The following CPA3 variants were observed in gnomAD, a reference collection of about 807,000 sequenced individuals.
CPA3 encodes mast cell carboxypeptidase A.
In CPA3, 52 loss-of-function variants were observed where a neutral mutation model predicts 55.8. The observed-to-expected ratio is 0.93, with a 90% CI of 0.75 to 1.17. The LOEUF is 1.17. CPA3 is among the 50% of genes most tolerant of loss of function. CPA3 has a pLI of 0.00. For synonymous variants in CPA3, 179 were observed against 171.2 expected (o/e 1.05, Z -0.36); for missense variants, 547 against 509.1 (o/e 1.07, Z -0.72).
chr3:148,884,928 GA>G (rs1338578777), intron 9 of CPA3, among the ~76,000 whole-genome samples: 1 of 151,158 alleles, frequency 6.6e-6, no homozygotes, highest in Non-Finnish European at 1.5e-5. Context: ...AATTGATTAA[GA>G]AAAAAATTAT....
chr3:148,895,897 T>C (rs963847129), intron 10 of CPA3, among the ~76,000 whole-genome samples: 4 of 152,222 alleles, frequency 2.6e-5, no homozygotes, highest in African/African-American at 7.2e-5. Context: ...ATATAGCCTC[T>C]AGATGTGAGT....
chr3:148,896,583 T>G lies in CPA3; in HGVS notation c.1130T>G (p.Phe377Cys). 1 of 1,584,894 alleles carries G rather than the reference T, an allele frequency of 6.3e-7. No individual in the cohort carries two copies. The highest frequency in any genetic ancestry group is 8.6e-7 in the Non-Finnish European group (1 of 1,157,764). The change falls in exon 11 of 11, where the codon TTT (phenylalanine) becomes TGT (cysteine). Residue 377 changes from phenylalanine (F) to cysteine (C), a missense_variant. Phe to Cys is a radical substitution (Grantham distance 205). Coordinates refer to ENST00000296046, the MANE Select transcript of CPA3 (RefSeq NM_001870.4). ...YDLGIKHTFAFELRDKGKFGF... is the reference protein window; with the variant it reads ...YDLGIKHTFACELRDKGKFGF... ...CTGGGCATCAAACACACATTTGCCTTTGAGCTCCGAGATAAAGGCAAATTT... is the reference window on the plus strand; with the variant it reads ...CTGGGCATCAAACACACATTTGCCTGTGAGCTCCGAGATAAAGGCAAATTT...
intron 10 of CPA3, among the ~76,000 whole-genome samples, chr3:148,886,631 A>T (rs1576584326): frequency 6.6e-6 from 1 of 152,266 alleles, no homozygotes; most frequent in South Asian, 2.1e-4. Flanking sequence ...GGAGGTCAAG[A>T]CTGCCATGAG....
chr3:148,887,184 A>G (rs1230404615), intron 10 of CPA3, among the ~76,000 whole-genome samples: 1 of 152,166 alleles, frequency 6.6e-6, no homozygotes, highest in East Asian at 1.9e-4. Flanking sequence ...TTTCTGTTGC[A>G]GGTACTCAAC....
At chr3:148,889,929 C>T (rs1290674875) in intron 10 of CPA3, among the ~76,000 whole-genome samples, 2 of 151,266 alleles carry the variant, frequency 1.3e-5, no homozygotes, top group Admixed American at 1.3e-4. Flanking sequence ...TGATTATACC[C>T]CCAGCCCCCA....
chr3:148,896,582 T>A lies in CPA3; in HGVS notation c.1129T>A (p.Phe377Ile). 6.3e-7 allele frequency: 1 copy of A among 1,584,812 alleles called. No homozygotes were observed. Among genetic ancestry groups the A allele is most frequent in the Non-Finnish European group, 8.6e-7 (1 of 1,157,688 alleles). ...YDLGIKHTFA[F>I]ELRDKGKFGF... ...CCTGGGCATCAAACACACATTTGCC[T>A]TTGAGCTCCGAGATAAAGGCAAATT... The change falls in exon 11 of 11, where the codon TTT becomes ATT. Residue 377 changes from phenylalanine to isoleucine, a missense_variant. Physicochemically the swap from Phe to Ile is conservative, Grantham distance 21 (BLOSUM62 0). Coordinates refer to ENST00000296046, the MANE Select transcript of CPA3 (RefSeq NM_001870.4).
intron 5 of CPA3, among the ~76,000 whole-genome samples, 176 bp downstream of exon 5, chr3:148,878,924 A>T (rs1714286304): frequency 6.6e-6 from 1 of 152,248 alleles, no homozygotes; most frequent in South Asian, 2.1e-4. Context: ...GGTGGAACCA[A>T]GAAAGTGTCT....
intron 3 of CPA3, among the ~76,000 whole-genome samples, chr3:148,876,232 A>G (rs1389766241): frequency 1.3e-5 from 2 of 151,558 alleles, no homozygotes; most frequent in South Asian, 2.1e-4. Context: ...AGATGATCAA[A>G]ATACTTAACA....
intron 10 of CPA3, among the ~76,000 whole-genome samples, chr3:148,890,609 T>C: frequency 6.6e-6 from 1 of 152,226 alleles, no homozygotes; most frequent in South Asian, 2.1e-4. Context: ...TGTATGCCCA[T>C]GTATCTCTGG....
intron 10 of CPA3, among the ~76,000 whole-genome samples, chr3:148,894,784 G>T (rs1043563735): frequency 3.3e-5 from 5 of 152,042 alleles, no homozygotes; most frequent in African/African-American, 9.7e-5. Flanking sequence ...GATCCTAAAT[G>T]TGTGCACACC....
At chr3:148,876,318 ATGTC>A (rs1018231593) in intron 3 of CPA3, among the ~76,000 whole-genome samples, 2 of 151,894 alleles carry the variant, frequency 1.3e-5, no homozygotes, top group Non-Finnish European at 2.9e-5. Flanking sequence ...TTATAATTTA[ATGTC>A]TATCAAAAAA....
chr3:148,884,446 G>A (rs1714469426), intron 9 of CPA3, among the ~76,000 whole-genome samples: 1 of 152,028 alleles, frequency 6.6e-6, no homozygotes, highest in South Asian at 2.1e-4. Flanking sequence ...GTGCATAGAG[G>A]GATAAATATT....
Position 148,865,358 on chromosome 3 carries a change from T to A in CPA3, c.51T>A (p.Ala17=). 1 of 1,614,060 alleles carries A rather than the reference T, an allele frequency of 6.2e-7. No homozygotes were observed. Among genetic ancestry groups the A allele is most frequent in the Non-Finnish European group, 8.5e-7 (1 of 1,179,972 alleles). ...TGATTGCTACCACTCTTGCAATTGC[T>A]CCTGTCCGCTTTGACAGGTAAATCT... is the stretch of plus-strand genomic sequence containing the variant. ...VGLIATTLAI[A]PVRFDREKVF... is the part of the protein sequence containing the mutation. Residue 17 remains alanine, a synonymous_variant, in exon 1 of 11, where the codon GCT becomes GCA. Coordinates refer to ENST00000296046, the MANE Select transcript of CPA3 (RefSeq NM_001870.4).
intron 9 of CPA3, among the ~76,000 whole-genome samples, chr3:148,885,011 T>C (rs183310047): frequency 7.2e-5 from 11 of 152,368 alleles, no homozygotes; most frequent in African/African-American, 2.6e-4. Context: ...AGTAACTATA[T>C]TCCATTAAAA....
At chr3:148,896,165 T>A (rs201611315) in intron 10 of CPA3, among the ~76,000 whole-genome samples, 1 of 149,170 alleles carries the variant, frequency 6.7e-6, no homozygotes, top group Non-Finnish European at 1.5e-5. Context: ...TTTTCCCTGG[T>A]GGTTTTCAAC....
intron 3 of CPA3, among the ~76,000 whole-genome samples, chr3:148,877,165 A>G (rs1714231138): frequency 6.6e-6 from 1 of 152,172 alleles, no homozygotes. Context: ...TGGACTCCAT[A>G]AAATGATGAC....
At chr3:148,879,948 T>C (rs1714317341) in intron 6 of CPA3, 59 bp downstream of exon 6, 1 of 1,164,158 alleles carries the variant, frequency 8.6e-7, no homozygotes, top group Admixed American at 1.8e-5. Context: ...AGCACTTCAC[T>C]AAGTGGCGAC....
chr3:148,877,505 A>G (rs1231759611), intron 3 of CPA3, among the ~76,000 whole-genome samples: 1 of 151,614 alleles, frequency 6.6e-6, no homozygotes, highest in African/African-American at 2.4e-5. Context: ...AAAAAAAAAG[A>G]AAGAAAGAAA....
At chr3:148,888,802 T>A (rs1428749919) in intron 10 of CPA3, among the ~76,000 whole-genome samples, 1 of 152,232 alleles carries the variant, frequency 6.6e-6, no homozygotes, top group African/African-American at 2.4e-5. Context: ...GAGCTGTGCA[T>A]AGCATTGCAT....
Sources: gnomAD v4.1 joint callset for allele counts (sites outside exome capture counted in the v4.1 genomes callset) on GRCh38, gnomAD v4.1.1 for gene constraint, MANE v1.5 for transcripts, NCBI Gene and HGNC (gene_info 2026-07-23, HGNC 2026-07-21) for gene names.